Variants in FER observed in about 807,000 individuals in gnomAD.
The protein encoded by FER is FER tyrosine kinase, also known as tyrosine-protein kinase Fer.
Under a neutral mutation model 111.0 loss-of-function variants are expected in FER, and 63 were observed. That is an observed-to-expected ratio of 0.57 (90% CI 0.46 to 0.70). The LOEUF (loss-of-function observed/expected upper bound fraction) is 0.70. Ranked by LOEUF, FER falls within the 30% of genes least tolerant of loss-of-function variation. The pLI is 0.00. For synonymous variants in FER, 327 were observed against 313.9 expected (o/e 1.04, Z -0.44); for missense variants, 914 against 954.0 (o/e 0.96, Z 0.55).
intron 10 of FER, among the ~76,000 whole-genome samples, chr5:108,901,242 T>C (rs1392867407): frequency 6.6e-6 from 1 of 152,136 alleles, no homozygotes; most frequent in East Asian, 1.9e-4. Flanking sequence ...TTCTTTCTTT[T>C]TTTTTTCCTT....
intron 8 of FER, among the ~76,000 whole-genome samples, chr5:108,876,220 C>G (rs2150260276): frequency 6.6e-6 from 1 of 152,208 alleles, no homozygotes; most frequent in Non-Finnish European, 1.5e-5. Context: ...GGAAAAAAAT[C>G]AAAGGAAGAA....
chr5:109,059,309 A>T (rs1456269801), intron 16 of FER, among the ~76,000 whole-genome samples: 1 of 151,054 alleles, frequency 6.6e-6, no homozygotes, highest in African/African-American at 2.4e-5. Context: ...TTTAAGAATT[A>T]TGGGATTTCT....
chr5:108,930,903 C>G (rs1033731884), intron 10 of FER, among the ~76,000 whole-genome samples: 1 of 151,954 alleles, frequency 6.6e-6, no homozygotes. Flanking sequence ...CGTGAGCCAA[C>G]GCCCCTGGCC....
At chr5:109,104,777 C>G in intron 17 of FER, among the ~76,000 whole-genome samples, 1 of 152,040 alleles carries the variant, frequency 6.6e-6, no homozygotes, top group Admixed American at 6.5e-5. Flanking sequence ...GAGTCTCACT[C>G]TGTCGCCCAG....
chr5:109,100,660 T>C (rs941581106), intron 17 of FER, 141 bp downstream of exon 17: 7 of 822,404 alleles, frequency 8.5e-6, no homozygotes, highest in Non-Finnish European at 1.3e-5. Context: ...AAGTGTCCTC[T>C]GCTAGTTGTT....
Position 109,056,004 on chromosome 5 carries a change from A to G in FER, c.1924+8806A>G, listed in dbSNP as rs142760946. Among the ~76,000 whole-genome samples, 94 of 152,320 alleles carry G rather than the reference A, an allele frequency of 6.2e-4. 1 individual carries two copies. In the East Asian group the frequency reaches 0.018, roughly 28 times the overall value. On this transcript the variant is annotated intron_variant, in intron 16 of 19. Transcript: ENST00000281092. ...CTCAACATTATTAATCATCAGGAAA[A>G]TGCAAATGAAAACCACTGTGAGATA... is the stretch of plus-strand genomic sequence containing the variant.
At chr5:108,958,146 A>T (rs1758673757) in intron 12 of FER, among the ~76,000 whole-genome samples, 1 of 151,818 alleles carries the variant, frequency 6.6e-6, no homozygotes, top group African/African-American at 2.4e-5. Flanking sequence ...ATTCATTTAA[A>T]AAGTTTTATA....
chr5:109,047,284 T>C (rs1293271689), intron 16 of FER, 86 bp downstream of exon 16: 1 of 730,242 alleles, frequency 1.4e-6, no homozygotes, highest in Non-Finnish European at 2.3e-6. Context: ...TGATTTCTCC[T>C]CGTAAAGTCT....
In FER at chr5:109,047,001, A is replaced by C. The variant is rs533039017; in HGVS notation, c.1830-103A>C. ...GGTCATACTGAAATTTTAAAAATTG[A>C]ATTATGATTCAAGAGTATTCTAGTT... is the stretch of plus-strand genomic sequence containing the variant. On this transcript the variant is annotated intron_variant, in intron 15 of 19. Coordinates refer to ENST00000281092, the MANE Select transcript of FER (RefSeq NM_005246.4). 5.2e-6 allele frequency: 3 copies of C among 579,676 alleles called. No individual in the cohort carries two copies. The South Asian group carries it at 8.8e-5, about 17-fold the overall frequency. 35.9% of individuals were successfully genotyped at this position (579,676 alleles called of 1,614,324 possible).
chr5:109,180,101 C>T (rs1031888736), intron 17 of FER, among the ~76,000 whole-genome samples: 1 of 152,038 alleles, frequency 6.6e-6, no homozygotes, highest in Middle Eastern at 3.4e-3. Flanking sequence ...CATTTGGGGA[C>T]AAAAAGAAGC....
intron 2 of FER, among the ~76,000 whole-genome samples, chr5:108,786,532 G>A (rs935856113): frequency 6.6e-6 from 1 of 152,080 alleles, no homozygotes; most frequent in Admixed American, 6.5e-5. Context: ...ACGGAGTCTT[G>A]CTCCATCACA....
At chr5:109,054,378 G>A (rs1447336149) in intron 16 of FER, among the ~76,000 whole-genome samples, 1 of 152,062 alleles carries the variant, frequency 6.6e-6, no homozygotes, top group Non-Finnish European at 1.5e-5. Flanking sequence ...ATTGAATAAT[G>A]ATGTCATGCA....
intron 18 of FER, among the ~76,000 whole-genome samples, chr5:109,181,716 T>C (rs1315911409): frequency 6.6e-6 from 1 of 152,208 alleles, no homozygotes; most frequent in Admixed American, 6.5e-5. Flanking sequence ...CTTAATTTAA[T>C]TCCCAAATTA....
intron 17 of FER, among the ~76,000 whole-genome samples, chr5:109,176,968 C>G (rs572798837): frequency 6.6e-6 from 1 of 152,106 alleles, no homozygotes; most frequent in Non-Finnish European, 1.5e-5. Flanking sequence ...ACATGTAGTA[C>G]AAGTTTTTAT....
chr5:109,141,170 C>T (rs538869277), intron 17 of FER, among the ~76,000 whole-genome samples: 1 of 152,140 alleles, frequency 6.6e-6, no homozygotes, highest in South Asian at 2.1e-4. Context: ...CTAGGGAGGG[C>T]CTTTTTCAGG....
chr5:109,160,666 C>T (rs557481287), intron 17 of FER, among the ~76,000 whole-genome samples: 30 of 151,988 alleles, frequency 2.0e-4, no homozygotes, highest in Non-Finnish European at 3.7e-4. Flanking sequence ...TGTAAAATGC[C>T]GAAGTAGACA....
At chr5:109,005,563 A>T (rs151003831) in intron 13 of FER, among the ~76,000 whole-genome samples, 17 of 152,352 alleles carry the variant, frequency 1.1e-4, no homozygotes, top group Admixed American at 1.1e-3. Flanking sequence ...ATATGCACAT[A>T]TACAAGATAT....
At chr5:108,777,363 T>G (rs115437572) in intron 2 of FER, among the ~76,000 whole-genome samples, 1,779 of 152,346 alleles carry the variant, frequency 0.012, 24 homozygotes, top group Non-Finnish European at 0.02. Flanking sequence ...CTACATATCC[T>G]CTGTTATCAA....
At chr5:108,985,659 C>T (rs1217299065) in intron 13 of FER, among the ~76,000 whole-genome samples, 1 of 152,186 alleles carries the variant, frequency 6.6e-6, no homozygotes, top group African/African-American at 2.4e-5. Flanking sequence ...CATAGCTTAG[C>T]TCCCACTCAT....
Sources: gnomAD v4.1 joint callset for allele counts (sites outside exome capture counted in the v4.1 genomes callset) on GRCh38, gnomAD v4.1.1 for gene constraint, MANE v1.5 for transcripts, NCBI Gene and HGNC (gene_info 2026-07-23, HGNC 2026-07-21) for gene names.